The following ARPP21 variants were observed in gnomAD, a reference collection of about 807,000 sequenced individuals.
ARPP21 encodes cAMP-regulated phosphoprotein 21.
Under a neutral mutation model 113.2 loss-of-function variants are expected in ARPP21, and 69 were observed. That is an observed-to-expected ratio of 0.61 (90% CI 0.50 to 0.74). ARPP21 has a LOEUF of 0.74. Among genes scored for constraint, ARPP21 ranks in the 30% least tolerant of loss-of-function variants. ARPP21 has a pLI of 0.00. For missense variants in ARPP21, 1,070 were observed against 1,037.4 expected, an observed-to-expected ratio of 1.03 and a Z score of -0.43; for synonymous variants, 368 against 375.5, an observed-to-expected ratio of 0.98 and a Z score of 0.23.
chr3:35,657,674 T>C (rs1157379083), intron 1 of ARPP21, among the ~76,000 whole-genome samples: 1 of 152,090 alleles, frequency 6.6e-6, no homozygotes, highest in Non-Finnish European at 1.5e-5. Context: ...CTTCAAGCCC[T>C]TGATGTCCAG....
At chr3:35,750,791 TC>T (rs1559848497) in intron 19 of ARPP21, among the ~76,000 whole-genome samples, 1 of 152,160 alleles carries the variant, frequency 6.6e-6, no homozygotes, top group African/African-American at 2.4e-5. Context: ...ATCTTTTAGT[TC>T]CTTTTGCAAT....
intron 15 of ARPP21, among the ~76,000 whole-genome samples, chr3:35,733,189 T>A (rs2094113965): frequency 6.6e-6 from 1 of 151,760 alleles, no homozygotes. Context: ...CATGCTTATT[T>A]TTTATTTGCT....
intron 6 of ARPP21, among the ~76,000 whole-genome samples, chr3:35,688,399 A>G (rs1437293170): frequency 2.0e-5 from 3 of 151,578 alleles, no homozygotes; most frequent in African/African-American, 7.3e-5. Flanking sequence ...TCTACTATCA[A>G]GTAATGTTTA....
Position 35,708,996 on chromosome 3 carries a change from G to T in ARPP21, c.823G>T (p.Asp275Tyr). 6.2e-7 allele frequency: 1 copy of T among 1,613,814 alleles called. No individual in the cohort carries two copies. The highest frequency in any genetic ancestry group is 1.1e-5 in the South Asian group (1 of 91,056). ...QQNRMHPFRDDRRSKSIEERE... is the reference protein window; with the variant it reads ...QQNRMHPFRDYRRSKSIEERE... ...AAACAGAATGCATCCATTTAGAGAT[G>T]ACAGACGAAGTAAATCAATTGAAGA... is the stretch of plus-strand genomic sequence containing the variant. The change falls in exon 11 of 21, where the codon GAC becomes TAC. Residue 275 changes from aspartate (D) to tyrosine (Y), a missense_variant. Transcript: ENST00000684406.
chr3:35,722,625 T>G (rs1377765688), intron 14 of ARPP21, among the ~76,000 whole-genome samples: 1 of 152,222 alleles, frequency 6.6e-6, no homozygotes, highest in Non-Finnish European at 1.5e-5. Context: ...CTTGTATGTT[T>G]TTTTCCAAGT....
At chr3:35,763,359 T>G (rs1336469272) in intron 19 of ARPP21, among the ~76,000 whole-genome samples, 1 of 152,144 alleles carries the variant, frequency 6.6e-6, no homozygotes, top group East Asian at 1.9e-4. Context: ...AATGTCATAT[T>G]GTGAATTGAA....
intron 9 of ARPP21, among the ~76,000 whole-genome samples, chr3:35,701,628 C>T (rs2086439006): frequency 6.6e-6 from 1 of 151,334 alleles, no homozygotes; most frequent in African/African-American, 2.4e-5. Flanking sequence ...TTAGTATTCT[C>T]CTATAGATAA....
rs116669196 is a variant in ARPP21 at position 35,782,328 on chromosome 3, C to A, written c.2138-10054C>A. Among the ~76,000 whole-genome samples, 913 of 152,250 alleles carry A rather than the reference C, an allele frequency of 6.0e-3. 13 individuals carry two copies. The highest frequency in any genetic ancestry group is 0.021 in the African/African-American group (871 of 41,550). On this transcript the variant is annotated intron_variant, in intron 19 of 20. Coordinates refer to ENST00000684406, the MANE Select transcript of ARPP21 (RefSeq NM_001385562.1). ...TCTCCTTGATCTTTAACCAAGTCTT[C>A]CCTGGGTTATTGCAATTCCATGTGG... is the stretch of plus-strand genomic sequence containing the variant.
intron 9 of ARPP21, among the ~76,000 whole-genome samples, chr3:35,696,126 T>C (rs540907196): frequency 1.3e-5 from 2 of 151,726 alleles, no homozygotes; most frequent in South Asian, 4.1e-4. Flanking sequence ...TTGATGTGTA[T>C]AACCTGATAC....
intron 11 of ARPP21, among the ~76,000 whole-genome samples, chr3:35,709,395 T>C (rs1383342701): frequency 6.6e-6 from 1 of 152,192 alleles, no homozygotes; most frequent in Non-Finnish European, 1.5e-5. Flanking sequence ...AGCCAGCAGA[T>C]TACCTACCTA....
chr3:35,738,391 C>T, intron 17 of ARPP21, 73 bp downstream of exon 17: 1 of 1,298,930 alleles, frequency 7.7e-7, no homozygotes, highest in Non-Finnish European at 1.1e-6. Context: ...TTTTTGTGTG[C>T]CACTGGCTGA....
rs1200499364 is a variant in ARPP21 at position 35,738,221 on chromosome 3, A to G, written c.1652A>G (p.Gln551Arg). Residue 551 changes from glutamine (Q) to arginine (R), a missense_variant, in exon 17 of 21, where the codon CAG becomes CGG. Gln to Arg is a conservative substitution (Grantham distance 43, BLOSUM62 1). Transcript: ENST00000684406. ...ATTTTTTCTTTCCTCCAGTCTGTCC[A>G]GGGGCTGCAGGCTTCCTCCCAGTCA... Reference protein sequence around the residue: ...MAGPLVTQSVQGLQASSQSVQ... With the variant: ...MAGPLVTQSVRGLQASSQSVQ... 5.9e-6 allele frequency: 9 copies of G among 1,534,268 alleles called. No individual in the cohort carries two copies. The highest frequency in any genetic ancestry group is 1.7e-4 in the Middle Eastern group (1 of 6,016).
intron 9 of ARPP21, among the ~76,000 whole-genome samples, chr3:35,700,966 G>A (rs1453458764): frequency 2.0e-5 from 3 of 151,606 alleles, no homozygotes; most frequent in Non-Finnish European, 2.9e-5. Context: ...CATGGCACAC[G>A]TATACCTATG....
At chr3:35,710,127 G>A (rs928849937) in intron 11 of ARPP21, among the ~76,000 whole-genome samples, 4 of 151,862 alleles carry the variant, frequency 2.6e-5, no homozygotes, top group South Asian at 2.1e-4. Flanking sequence ...TACAACCCCC[G>A]CCACCTTTCT....
At chr3:35,725,975 T>C (rs538313822) in intron 14 of ARPP21, among the ~76,000 whole-genome samples, 8 of 152,328 alleles carry the variant, frequency 5.3e-5, no homozygotes, top group African/African-American at 1.9e-4. Context: ...GAGAGCCATC[T>C]GTGGAGTCAA....
At chr3:35,748,255 G>T (rs972831998) in intron 19 of ARPP21, among the ~76,000 whole-genome samples, 1 of 132,042 alleles carries the variant, frequency 7.6e-6, no homozygotes, top group African/African-American at 2.9e-5. Flanking sequence ...AAGAAAGAAA[G>T]AGAAAGGAGA....
At chr3:35,792,243 G>A in intron 19 of ARPP21, 139 bp from the exon 20 acceptor site, 2 of 702,980 alleles carry the variant, frequency 2.8e-6, no homozygotes, top group East Asian at 5.0e-5. Context: ...CATTCTTAGG[G>A]AATAAACATC....
rs368180277 is a variant in ARPP21 at position 35,681,785 on chromosome 3, G to A, written c.34G>A (p.Ala12Thr). The A allele has an allele frequency of 4.3e-5, 69 of 1,611,480 alleles. No homozygotes were observed. Among genetic ancestry groups the A allele is most frequent in the Non-Finnish European group, 5.7e-5 (67 of 1,178,374 alleles). The change falls in exon 3 of 21, where the codon GCA becomes ACA. Residue 12 changes from alanine (A) to threonine (T), a missense_variant. By Grantham distance (58) the Ala-to-Thr change is moderately conservative (BLOSUM62 0). Coordinates refer to ENST00000684406, the MANE Select transcript of ARPP21 (RefSeq NM_001385562.1). ...GCAAGGAGACCTGAATCAGGCAATA[G>A]CAGAGGAAGGAGGGACTGAGCAGGA... ...SEQGDLNQAI[A>T]EEGGTEQETA...
At chr3:35,714,127 A>G (rs1255796588) in intron 11 of ARPP21, among the ~76,000 whole-genome samples, 1 of 152,204 alleles carries the variant, frequency 6.6e-6, no homozygotes, top group Non-Finnish European at 1.5e-5. Flanking sequence ...CTATTCTCTG[A>G]AAAGCTTTAT....
Sources: gnomAD v4.1 joint callset for allele counts (sites outside exome capture counted in the v4.1 genomes callset) on GRCh38, gnomAD v4.1.1 for gene constraint, MANE v1.5 for transcripts, NCBI Gene and HGNC (gene_info 2026-07-23, HGNC 2026-07-21) for gene names.